The following PDE12 variants were observed in gnomAD, a reference collection of about 807,000 sequenced individuals.
PDE12 encodes phosphodiesterase 12.
A neutral mutation model predicts 45.4 loss-of-function variants in PDE12; 26 were observed. That is an observed-to-expected ratio of 0.57 (90% confidence interval 0.42 to 0.79). PDE12 has a LOEUF of 0.79. Ranked by LOEUF, PDE12 falls within the 30% of genes least tolerant of loss-of-function variation. The probability of loss-of-function intolerance (pLI) is 0.00; values close to 1 mark genes in which losing one functional copy is unlikely to be tolerated. For synonymous variants in PDE12, 283 were observed against 323.9 expected (o/e 0.87, Z 1.36); for missense variants, 668 against 790.0 (o/e 0.85, Z 1.85).
the PDE12 span, among the ~76,000 whole-genome samples, chr3:57,651,064 G>A: frequency 5.3e-5 from 8 of 152,070 alleles, no homozygotes; most frequent in African/African-American, 1.4e-4. Flanking sequence ...GATTACAGGC[G>A]TGAGCCACTG....
At chr3:57,572,184 A>G in the PDE12 span, 233 of 1,578,058 alleles carry the variant, frequency 1.5e-4, no homozygotes, top group Non-Finnish European at 2.0e-4. Context: ...TTTATCAAAC[A>G]TGTCCTTGGT....
the PDE12 span, among the ~76,000 whole-genome samples, chr3:57,621,938 G>C: frequency 6.6e-6 from 1 of 152,300 alleles, no homozygotes; most frequent in South Asian, 2.1e-4. Context: ...CACTTTGGGA[G>C]CCCAAGGTGG....
At chr3:57,558,328 G>A (rs1026214114) in intron 1 of PDE12, among the ~76,000 whole-genome samples, 1 of 152,140 alleles carries the variant, frequency 6.6e-6, no homozygotes, top group African/African-American at 2.4e-5. Flanking sequence ...GGCTAGAAAA[G>A]CATCTTTTTG....
At chr3:57,652,540 T>A in the PDE12 span, among the ~76,000 whole-genome samples, 2 of 152,254 alleles carry the variant, frequency 1.3e-5, no homozygotes, top group East Asian at 3.8e-4. Context: ...TGTGAAATAA[T>A]GTTTGTTCTT....
the PDE12 span, chr3:57,654,581 G>A: frequency 1.1e-6 from 1 of 945,392 alleles, no homozygotes; most frequent in African/African-American, 1.8e-5. Context: ...CAAGTAAAAT[G>A]TCCCTGACTC....
the PDE12 span, among the ~76,000 whole-genome samples, chr3:57,580,298 T>C: frequency 6.6e-6 from 1 of 152,300 alleles, no homozygotes; most frequent in South Asian, 2.1e-4. Flanking sequence ...TAAAAGATCA[T>C]TGTTCTTGGC....
chr3:57,654,243 C>T, the PDE12 span, among the ~76,000 whole-genome samples: 4 of 151,998 alleles, frequency 2.6e-5, no homozygotes, highest in African/African-American at 9.7e-5. Flanking sequence ...GTGTGAGCCA[C>T]CGTGCCCAGC....
chr3:57,621,889 G>A, the PDE12 span, among the ~76,000 whole-genome samples: 1 of 151,878 alleles, frequency 6.6e-6, no homozygotes, highest in Non-Finnish European at 1.5e-5. Flanking sequence ...CATATGGAGA[G>A]CTCTGGCTGG....
chr3:57,631,947 C>T, the PDE12 span, among the ~76,000 whole-genome samples: 1 of 148,578 alleles, frequency 6.7e-6, no homozygotes, highest in African/African-American at 2.5e-5. Flanking sequence ...TGGTCTTGAT[C>T]TCCTGACCTC....
At chr3:57,625,306 T>G in the PDE12 span, among the ~76,000 whole-genome samples, 2 of 152,144 alleles carry the variant, frequency 1.3e-5, no homozygotes, top group African/African-American at 4.8e-5. Context: ...CTGTTCATAG[T>G]GAAGTACACA....
chr3:57,560,329 GTTT>G lies in PDE12; in HGVS notation c.*328_*330del. 1 of 1,074,038 alleles carries G rather than the reference GTTT, an allele frequency of 9.3e-7. No homozygotes were observed. The highest frequency in any genetic ancestry group is 3.1e-5 in the South Asian group (1 of 31,996). The allele number at this position is 1,074,038 out of a possible 1,614,324, so 66.5% of individuals were successfully genotyped here. ...TTTTTGTTTGTTTGTTTTTGTTTTTGTTTTTGTTTTTTTGAGATGGAGTTTCAC... is the reference window on the plus strand; with the variant it reads ...TTTTTGTTTGTTTGTTTTTGTTTTTGTTGTTTTTTTGAGATGGAGTTTCAC... On this transcript the variant is annotated 3_prime_UTR_variant, in exon 3 of 3. Transcript: ENST00000311180.
At chr3:57,626,334 C>T in the PDE12 span, 6 of 152,536 alleles carry the variant, frequency 3.9e-5, no homozygotes, top group African/African-American at 1.4e-4. Context: ...TTTACAAATA[C>T]ATACAACTAA....
the PDE12 span, chr3:57,597,183 G>A: frequency 7.0e-6 from 11 of 1,571,744 alleles, no homozygotes; most frequent in Non-Finnish European, 9.6e-6. Flanking sequence ...GAAGGGGTTT[G>A]GGGCGACCCC....
At chr3:57,649,330 C>T in the PDE12 span, among the ~76,000 whole-genome samples, 2 of 151,918 alleles carry the variant, frequency 1.3e-5, no homozygotes, top group African/African-American at 2.4e-5. Flanking sequence ...GCAAGAATAG[C>T]CATAATCAAA....
At chr3:57,631,032 G>C in the PDE12 span, 15 of 1,551,078 alleles carry the variant, frequency 9.7e-6, no homozygotes, top group Non-Finnish European at 1.1e-5. Context: ...TATTTAAACA[G>C]ACCTACTTAA....
At chr3:57,641,817 G>C in the PDE12 span, 1 of 1,340,126 alleles carries the variant, frequency 7.5e-7, no homozygotes, top group East Asian at 2.4e-5. Flanking sequence ...GTGAAGAATA[G>C]TTTACTTTTT....
chr3:57,634,029 T>A, the PDE12 span, among the ~76,000 whole-genome samples: 1 of 152,176 alleles, frequency 6.6e-6, no homozygotes. Flanking sequence ...TTTTTCACTA[T>A]AATTTCCAAG....
At chr3:57,594,917 C>T in the PDE12 span, among the ~76,000 whole-genome samples, 11 of 152,170 alleles carry the variant, frequency 7.2e-5, no homozygotes, top group African/African-American at 2.2e-4. Context: ...CTCCCTCGTA[C>T]GTTGATACTT....
rs766354436 is a variant in PDE12 at position 57,556,511 on chromosome 3, T to A, written c.132T>A (p.Pro44=). Residue 44 remains proline, a synonymous_variant, in exon 1 of 3, where the codon CCT becomes CCA. Transcript: ENST00000311180. The surrounding 1 kb of genome is among the most constrained non-coding windows in gnomAD (Gnocchi z 5.0). ...AGCGCGCTGTAGTGCGCTGCGTACC[T>A]TCGGAACCCAAGCTGAGCCTGTCAT... is the stretch of plus-strand genomic sequence containing the variant. ...AMERAVVRCV[P]SEPKLSLSFA... is the part of the protein sequence containing the mutation. 1.2e-6 allele frequency: 2 copies of A among 1,613,494 alleles called. No homozygotes were observed. The highest frequency in any genetic ancestry group is 1.7e-6 in the Non-Finnish European group (2 of 1,179,966).
Sources: gnomAD v4.1 joint callset for allele counts (sites outside exome capture counted in the v4.1 genomes callset) on GRCh38, gnomAD v4.1.1 for gene constraint, Gnocchi (gnomAD v3.1) non-coding constraint, MANE v1.5 for transcripts, NCBI Gene and HGNC (gene_info 2026-07-23, HGNC 2026-07-21) for gene names.